Variants in YKT6 observed in about 807,000 individuals in gnomAD.
The protein encoded by YKT6 is synaptobrevin homolog YKT6.
In YKT6, 12 loss-of-function variants were observed where a neutral mutation model predicts 29.3. That is an observed-to-expected ratio of 0.41 (90% CI 0.26 to 0.66). YKT6 has a LOEUF of 0.66. Ranked by LOEUF, YKT6 falls within the 30% of genes least tolerant of loss-of-function variation. The pLI is 0.32. For synonymous variants in YKT6, 86 were observed against 94.3 expected (o/e 0.91, Z 0.51); for missense variants, 188 against 243.8 (o/e 0.77, Z 1.52).
In YKT6 at chr7:44,213,717, A is replaced by C. The variant is rs1403023229; in HGVS notation, c.*1435A>C. 2 of 152,312 alleles carry C rather than the reference A, an allele frequency of 1.3e-5. No individual in the cohort carries two copies. The highest frequency in any genetic ancestry group is 4.8e-5 in the African/African-American group (2 of 41,430). 9.4% of individuals were successfully genotyped at this position (152,312 alleles called of 1,614,324 possible). A position where few individuals can be genotyped will look rare whatever the true frequency, so the allele number is the denominator to read the frequency against. ...CACCCACTGTCCTGACCAGAGTCTCAGTGGTCCTGACCCCCAATGTGGGCA... is the reference window on the plus strand; with the variant it reads ...CACCCACTGTCCTGACCAGAGTCTCCGTGGTCCTGACCCCCAATGTGGGCA... On this transcript the variant is annotated 3_prime_UTR_variant, in exon 7 of 7. Coordinates refer to ENST00000223369, the MANE Select transcript of YKT6 (RefSeq NM_006555.4).
chr7:44,213,403 G>C lies in YKT6; in HGVS notation c.*1121G>C, dbSNP rs1290321621. ...CTTCTTGGTCAGAGGTAGCTGCAGA[G>C]GGGGGAGGCCAAGGGTTTGGTCTAA... On this transcript the variant is annotated 3_prime_UTR_variant, in exon 7 of 7. Transcript: ENST00000223369. 6.6e-6 allele frequency: 1 copy of C among 152,322 alleles called. No homozygotes were observed. Among genetic ancestry groups the C allele is most frequent in the East Asian group, 1.9e-4 (1 of 5,198 alleles). The allele number at this position is 152,322 out of a possible 1,614,324, so 9.4% of individuals were successfully genotyped here.
intron 2 of YKT6, among the ~76,000 whole-genome samples, chr7:44,205,279 GA>G (rs1222483349): frequency 1.3e-5 from 2 of 152,210 alleles, no homozygotes; most frequent in African/African-American, 4.8e-5. Context: ...TCATAGAAGT[GA>G]AATCGCATCA....
rs1298751288 is a variant in YKT6, at chr7:44,214,140, T to G, written c.*1858T>G. The G allele has an allele frequency of 6.6e-6, 1 of 152,210 alleles. No homozygotes were observed. Among genetic ancestry groups the G allele is most frequent in the Non-Finnish European group, 1.5e-5 (1 of 68,028 alleles). The allele number at this position is 152,210 out of a possible 1,614,324, so 9.4% of individuals were successfully genotyped here. ...CTGGCTTGACTCAGGCCCTGTGAGA[T>G]AGAGGGCCCAGCCCAGCCCCACCCA... On this transcript the variant is annotated 3_prime_UTR_variant, in exon 7 of 7. Coordinates refer to ENST00000223369, the MANE Select transcript of YKT6 (RefSeq NM_006555.4).
At chr7:44,210,521 A>T (rs1018140418) in intron 5 of YKT6, among the ~76,000 whole-genome samples, 1 of 152,112 alleles carries the variant, frequency 6.6e-6, no homozygotes, top group African/African-American at 2.4e-5. Context: ...CCAAGACCCT[A>T]TTTCTAAATA....
intron 3 of YKT6, 53 bp from the exon 4 acceptor site, chr7:44,207,335 G>T: frequency 6.6e-7 from 1 of 1,504,506 alleles, no homozygotes; most frequent in South Asian, 1.1e-5. Flanking sequence ...CTGTCATTGA[G>T]ACCACTGGTG....
At chr7:44,204,531 TAAG>T in intron 1 of YKT6, 34 bp from the exon 2 acceptor site, 2 of 1,606,962 alleles carry the variant, frequency 1.2e-6, no homozygotes, top group Non-Finnish European at 1.7e-6. Flanking sequence ...GACAAGGTGA[TAAG>T]AAGTAGGCAA....
chr7:44,211,421 G>A, intron 6 of YKT6: 1 of 661,026 alleles, frequency 1.5e-6, no homozygotes, highest in East Asian at 6.3e-5. Flanking sequence ...AGGAAGGCTG[G>A]TTCAAGTTCT....
chr7:44,205,381 T>C (rs1418403392), intron 2 of YKT6, among the ~76,000 whole-genome samples: 2 of 152,236 alleles, frequency 1.3e-5, no homozygotes, highest in Non-Finnish European at 2.9e-5. Context: ...CTGACCAGGT[T>C]CTCAGTTTCT....
chr7:44,210,483 A>G (rs1403548647), intron 5 of YKT6, among the ~76,000 whole-genome samples: 1 of 152,140 alleles, frequency 6.6e-6, no homozygotes, highest in Non-Finnish European at 1.5e-5. Context: ...CTAATCCAGT[A>G]TTACCTCTTC....
intron 6 of YKT6, chr7:44,211,644 G>T: frequency 1.0e-6 from 1 of 998,234 alleles, no homozygotes; most frequent in Non-Finnish European, 1.2e-6. Flanking sequence ...TGGCACTGTT[G>T]GCCCATGGTT....
In YKT6 at chr7:44,212,250, C is replaced by T. The variant is rs747509605; in HGVS notation, c.565C>T (p.Arg189Trp). 5 of 1,613,964 alleles carry T rather than the reference C, an allele frequency of 3.1e-6. No homozygotes were observed. The highest frequency in any genetic ancestry group is 4.2e-6 in the Non-Finnish European group (5 of 1,179,966). The change falls in exon 7 of 7, where the codon CGG becomes TGG. Residue 189 changes from arginine to tryptophan, a missense_variant. Around this residue, in one of 3 missense-constraint regions of YKT6, gnomAD observed 17 missense variants for 40.1 expected, o/e 0.42. Coordinates refer to ENST00000223369, the MANE Select transcript of YKT6 (RefSeq NM_006555.4). ...TQSKAFYKTARKQNSCCAIM is the reference protein window; with the variant it reads ...TQSKAFYKTAWKQNSCCAIM The stretch of plus-strand genomic sequence containing the variant: ...CTCCTCTTTGTTTTTTTCCAAGGCC[C>T]GGAAACAAAACTCATGCTGTGCCAT...
At position 44,214,096 on chromosome 7, in the gene YKT6, C is replaced by T. The variant is rs796986412; in HGVS notation, c.*1814C>T. 4.6e-5 allele frequency: 7 copies of T among 152,274 alleles called. 1 individual carries two copies. Among genetic ancestry groups the T allele is most frequent in the African/African-American group, 1.7e-4 (7 of 41,438 alleles). The allele number at this position is 152,274 out of a possible 1,614,324, so 9.4% of individuals were successfully genotyped here. On this transcript the variant is annotated 3_prime_UTR_variant, in exon 7 of 7. Transcript: ENST00000223369. ...GTGAGATCTCCGCTTGCAGGTCAGC[C>T]CCTGCCTTGCAGGGCGGGCTGGCTT...
At chr7:44,209,180 T>A (rs1362818087) in intron 5 of YKT6, among the ~76,000 whole-genome samples, 1 of 152,194 alleles carries the variant, frequency 6.6e-6, no homozygotes, top group Admixed American at 6.5e-5. Flanking sequence ...GAAACCCACA[T>A]ACAAAGCTTT....
At chr7:44,204,976 T>C (rs1583645750) in intron 2 of YKT6, among the ~76,000 whole-genome samples, 2 of 152,266 alleles carry the variant, frequency 1.3e-5, no homozygotes, top group African/African-American at 4.8e-5. Flanking sequence ...GCTAGCACTG[T>C]TGAGGTACTA....
Position 44,200,983 on chromosome 7 carries a change from G to A in YKT6, c.-153G>A, listed in dbSNP as rs1666871843. ...GGCTGACCGGATCCGGAAGTGGATT[G>A]CGAGCCAGGAGGAGGAAGCCGGCGG... On this transcript the variant is annotated 5_prime_UTR_variant, in exon 1 of 7. Transcript: ENST00000223369. 1.0e-5 allele frequency: 6 copies of A among 577,958 alleles called. No individual in the cohort carries two copies. The highest frequency in any genetic ancestry group is 3.0e-6 in the Non-Finnish European group (1 of 337,642). 35.8% of individuals were successfully genotyped at this position (577,958 alleles called of 1,614,324 possible). A position where few individuals can be genotyped will look rare whatever the true frequency, so the allele number is the denominator to read the frequency against.
At chr7:44,205,445 C>G (rs1346420862) in intron 2 of YKT6, among the ~76,000 whole-genome samples, 2 of 152,172 alleles carry the variant, frequency 1.3e-5, no homozygotes, top group Non-Finnish European at 2.9e-5. Context: ...GGATGGTATA[C>G]AAAATCTGGA....
intron 5 of YKT6, chr7:44,208,409 G>C (rs1046320423): frequency 2.3e-5 from 12 of 524,338 alleles, no homozygotes; most frequent in Non-Finnish European, 3.4e-5. Context: ...GTTTCTAGGG[G>C]ACCAAGCTGG....
chr7:44,211,558 T>C (rs1034467959), intron 6 of YKT6: 2 of 1,013,376 alleles, frequency 2.0e-6, no homozygotes, highest in Non-Finnish European at 2.4e-6. Flanking sequence ...TGACAGAAAA[T>C]ATTTAATTGA....
rs2096347424 is a variant in YKT6, at chr7:44,212,101, T to C, written c.562-146T>C. On this transcript the variant is annotated intron_variant, in intron 6 of 6. Transcript: ENST00000223369. Reference sequence around the variant, plus strand: ...GGGAATTGCTTGTGGACAGCTTCCCTCAAGGCCTCCACCCCCACCCTGTTC... The same window carrying C: ...GGGAATTGCTTGTGGACAGCTTCCCCCAAGGCCTCCACCCCCACCCTGTTC... 4 of 911,940 alleles carry C rather than the reference T, an allele frequency of 4.4e-6. No individual in the cohort carries two copies. The East Asian group carries it at 9.9e-5, about 23-fold the overall frequency. 56.5% of individuals were successfully genotyped at this position (911,940 alleles called of 1,614,324 possible). A position where few individuals can be genotyped will look rare whatever the true frequency, so the allele number is the denominator to read the frequency against.
Sources: gnomAD v4.1 joint callset for allele counts (sites outside exome capture counted in the v4.1 genomes callset) on GRCh38, gnomAD v4.1.1 for gene constraint, gnomAD v4.1.1 regional missense constraint, MANE v1.5 for transcripts, NCBI Gene and HGNC (gene_info 2026-07-23, HGNC 2026-07-21) for gene names.